The following PLAUR variants were observed in gnomAD, a reference collection of about 807,000 sequenced individuals.
PLAUR encodes the protein plasminogen activator, urokinase receptor, also known as urokinase plasminogen activator surface receptor.
A neutral mutation model predicts 33.4 loss-of-function variants in PLAUR; 22 were observed. The ratio of observed to expected loss-of-function variants is 0.66; its 90% CI spans 0.47 to 0.94. The LOEUF is 0.94. PLAUR is among the 40% of genes least tolerant of loss of function. The pLI is 0.00. For missense variants in PLAUR, 408 were observed against 434.7 expected (o/e 0.94, Z 0.55); for synonymous variants, 148 against 167.3 (o/e 0.88, Z 0.89).
downstream of PLAUR, chr19:43,646,224 C>A (rs1973824254): frequency 2.2e-6 from 1 of 447,616 alleles, no homozygotes; most frequent in Non-Finnish European, 4.1e-6. Flanking sequence ...CAGGCATGAG[C>A]CACTGTGCCT....
At chr19:43,650,216 G>A (rs1456207697) in intron 6 of PLAUR, among the ~76,000 whole-genome samples, 1 of 151,194 alleles carries the variant, frequency 6.6e-6, no homozygotes, top group Non-Finnish European at 1.5e-5. Context: ...TCACCATATT[G>A]GCCAGGCTGG....
At chr19:43,667,775 A>C in intron 1 of PLAUR, 84 bp from the exon 2 acceptor site, 1 of 1,540,204 alleles carries the variant, frequency 6.5e-7, no homozygotes, top group South Asian at 1.2e-5. Flanking sequence ...CCCAATACCA[A>C]CACCAAGTCT....
At chr19:43,662,770 A>C (rs1967061120) in intron 3 of PLAUR, among the ~76,000 whole-genome samples, 1 of 150,542 alleles carries the variant, frequency 6.6e-6, no homozygotes, top group African/African-American at 2.4e-5. Flanking sequence ...GCTGGGGTAC[A>C]GTGGTGCGAT....
At chr19:43,652,795 C>T (rs1465805613) in intron 5 of PLAUR, among the ~76,000 whole-genome samples, 4 of 151,978 alleles carry the variant, frequency 2.6e-5, no homozygotes, top group Admixed American at 6.6e-5. Context: ...GGACTACAGG[C>T]GTGCACCACC....
At chr19:43,646,258 A>G, downstream of PLAUR, 1 of 538,154 alleles carries the variant, frequency 1.9e-6, no homozygotes, top group South Asian at 2.2e-5. Context: ...GTTTTGATAT[A>G]GGCACACAAT....
chr19:43,668,397 C>G, intron 1 of PLAUR: 2 of 724,974 alleles, frequency 2.8e-6, no homozygotes, highest in Non-Finnish European at 3.4e-6. Flanking sequence ...CTTATCTTCC[C>G]GCCCCCTAGC....
intron 3 of PLAUR, among the ~76,000 whole-genome samples, chr19:43,662,224 G>A (rs1432941550): frequency 3.3e-5 from 5 of 152,020 alleles, no homozygotes; most frequent in African/African-American, 9.7e-5. Context: ...GGGGCCGGGC[G>A]CGGTGGCTCA....
At chr19:43,662,894 T>C (rs1282134435) in intron 3 of PLAUR, among the ~76,000 whole-genome samples, 1 of 152,178 alleles carries the variant, frequency 6.6e-6, no homozygotes, top group African/African-American at 2.4e-5. Flanking sequence ...TTTTAATTTT[T>C]TTGTAGAGTC....
At chr19:43,668,047 A>C in intron 1 of PLAUR, 1 of 1,064,416 alleles carries the variant, frequency 9.4e-7, no homozygotes, top group Non-Finnish European at 1.1e-6. Context: ...TTCTCACCGC[A>C]CCGGCCCTCG....
chr19:43,652,242 A>G lies in PLAUR; in HGVS notation c.737T>C (p.Val246Ala). Residue 246 changes from valine to alanine, a missense_variant, in exon 6 of 7, where the codon GTA becomes GCA. Physicochemically the swap from Val to Ala is moderately conservative, Grantham distance 64. Coordinates refer to ENST00000340093, the MANE Select transcript of PLAUR (RefSeq NM_002659.4). The stretch of plus-strand genomic sequence containing the variant: ...GGCCTCACCGTGAGTGCCGGTGGCT[A>G]CCAGACATTGATTCATGGGGCCTCG... ...DCRGPMNQCLVATGTHEPKNQ... is the reference protein window; with the variant it reads ...DCRGPMNQCLAATGTHEPKNQ... The G allele has an allele frequency of 6.2e-7, 1 of 1,614,082 alleles. No homozygotes were observed. Among genetic ancestry groups the G allele is most frequent in the Non-Finnish European group, 8.5e-7 (1 of 1,179,976 alleles).
At chr19:43,665,514 C>T in intron 2 of PLAUR, 55 bp from the exon 3 acceptor site, 1 of 1,585,916 alleles carries the variant, frequency 6.3e-7, no homozygotes, top group Non-Finnish European at 8.6e-7. Flanking sequence ...CAACCAGCCT[C>T]TGACACTCCT....
chr19:43,665,507 C>T (rs748554057), intron 2 of PLAUR, 48 bp from the exon 3 acceptor site: 5 of 1,601,454 alleles, frequency 3.1e-6, no homozygotes, highest in Non-Finnish European at 4.3e-6. Context: ...CTCAGCTCAA[C>T]CAGCCTCTGA....
Position 43,649,045 on chromosome 19 carries a change from C to T in PLAUR, c.853G>A (p.Val285Ile). The change falls in exon 7 of 7, where the codon GTC (valine) becomes ATC (isoleucine). Residue 285 changes from valine (V) to isoleucine (I), a missense_variant. Transcript: ENST00000340093. The part of the protein sequence containing the change: ...GDAFSMNHID[V>I]SCCTKSGCNH... ...CAGCCACTTTTAGTACAGCAGGAGA[C>T]ATCAATGTGGTTCATGCTGAAGGCG... 6.2e-7 allele frequency: 1 copy of T among 1,614,180 alleles called. No individual in the cohort carries two copies. Among genetic ancestry groups the T allele is most frequent in the Non-Finnish European group, 8.5e-7 (1 of 1,180,016 alleles).
intron 3 of PLAUR, among the ~76,000 whole-genome samples, chr19:43,660,048 G>A (rs568154236): frequency 2.0e-5 from 3 of 152,090 alleles, no homozygotes; most frequent in South Asian, 4.1e-4. Context: ...CTTGGTTTCT[G>A]GTCAATTGGT....
At position 43,656,467 on chromosome 19, in the gene PLAUR, G is replaced by A. The variant is rs1255902515; in HGVS notation, c.472+12C>T. On this transcript the variant is annotated intron_variant, in intron 4 of 6. Coordinates refer to ENST00000340093, the MANE Select transcript of PLAUR (RefSeq NM_002659.4). ...AGCAGGGAGGAGGAGTTGCCAGCAG[G>A]TTGGGGCTCACCTTCTTCACCTTCC... 1.3e-6 allele frequency: 2 copies of A among 1,571,276 alleles called. No individual in the cohort carries two copies. Among genetic ancestry groups the A allele is most frequent in the Admixed American group, 1.8e-5 (1 of 55,384 alleles).
chr19:43,667,129 T>A lies in PLAUR; in HGVS notation c.166+452A>T, dbSNP rs1600145023. The A allele has an allele frequency of 3.0e-5, 5 of 165,554 alleles. No individual in the cohort carries two copies. The South Asian group carries it at 6.0e-4, about 20-fold the overall frequency. 10.3% of individuals were successfully genotyped at this position (165,554 alleles called of 1,614,324 possible). On this transcript the variant is annotated intron_variant, in intron 2 of 6. Coordinates refer to ENST00000340093, the MANE Select transcript of PLAUR (RefSeq NM_002659.4). ...TGAACTCCTGACCTCAAGCAATTCA[T>A]CCGCCTCTGCCTCCCAAAGTGCTGG...
intron 3 of PLAUR, among the ~76,000 whole-genome samples, chr19:43,662,340 T>A (rs531245295): frequency 1.3e-5 from 2 of 151,674 alleles, no homozygotes; most frequent in Non-Finnish European, 2.9e-5. Flanking sequence ...TACTAAAAAT[T>A]CAAAAAAATT....
In PLAUR at chr19:43,652,549, A is replaced by G. The variant is rs4251911; in HGVS notation, c.608-178T>C. ...TTTTCGAGGGCTTGAGAGAAACCCC[A>G]ACTTTCAACTCCCCATGAGTCCCAT... is the stretch of plus-strand genomic sequence containing the variant. On this transcript the variant is annotated intron_variant, in intron 5 of 6. Transcript: ENST00000340093. Among the ~76,000 whole-genome samples, 1,389 of 152,184 alleles carry G rather than the reference A, an allele frequency of 9.1e-3. 24 individuals carry two copies. The highest frequency in any genetic ancestry group is 0.03 in the African/African-American group (1,260 of 41,514).
In PLAUR at chr19:43,652,120, C is replaced by T. The variant is rs181184946; in HGVS notation, c.754+105G>A. ...CCTGAAGGAAATCCCACCTTTTCCACAGGGAGACCCACCACAGTTAACTCC... is the reference window on the plus strand; with the variant it reads ...CCTGAAGGAAATCCCACCTTTTCCATAGGGAGACCCACCACAGTTAACTCC... On this transcript the variant is annotated intron_variant, in intron 6 of 6. Transcript: ENST00000340093. The T allele has an allele frequency of 9.2e-5, 143 of 1,547,988 alleles. No homozygotes were observed. The African/African-American group carries it at 1.5e-3, about 16-fold the overall frequency.
Sources: gnomAD v4.1 joint callset for allele counts (sites outside exome capture counted in the v4.1 genomes callset) on GRCh38, gnomAD v4.1.1 for gene constraint, MANE v1.5 for transcripts, NCBI Gene and HGNC (gene_info 2026-07-23, HGNC 2026-07-21) for gene names.